POU2F1: variants seen among roughly 807,000 people sequenced by gnomAD.
The protein encoded by POU2F1 is POU class 2 homeobox 1, also known as POU domain, class 2, transcription factor 1.
POU2F1 carries 16 observed loss-of-function variants against 84.9 expected under a neutral mutation model. The ratio of observed to expected loss-of-function variants is 0.19; its 90% CI spans 0.13 to 0.29. The LOEUF (loss-of-function observed/expected upper bound fraction) is 0.29. Among genes scored for constraint, POU2F1 ranks in the 10% least tolerant of loss-of-function variants. POU2F1 has a pLI of 1.00. For missense variants in POU2F1, 738 were observed against 942.6 expected (o/e 0.78, Z 2.84); for synonymous variants, 368 against 368.3 (o/e 1.00, Z 0.01).
At chr1:167,234,163 C>T (rs1292377636) in intron 1 of POU2F1, among the ~76,000 whole-genome samples, 2 of 152,194 alleles carry the variant, frequency 1.3e-5, no homozygotes, top group Non-Finnish European at 2.9e-5. Flanking sequence ...TGCAGAATTT[C>T]CACTGTTAAG....
chr1:167,302,663 A>G (rs1268511804), intron 1 of POU2F1, among the ~76,000 whole-genome samples: 1 of 152,234 alleles, frequency 6.6e-6, no homozygotes, highest in African/African-American at 2.4e-5. Flanking sequence ...GAATGTACAG[A>G]AAAAAGTTAT....
intron 1 of POU2F1, among the ~76,000 whole-genome samples, chr1:167,225,727 G>GT (rs1230144443): frequency 6.6e-6 from 1 of 152,146 alleles, no homozygotes; most frequent in South Asian, 2.1e-4. Flanking sequence ...ATTTATTTGT[G>GT]TTTTTTAAGT....
At chr1:167,317,830 G>A (rs999274513) in intron 1 of POU2F1, among the ~76,000 whole-genome samples, 1 of 152,160 alleles carries the variant, frequency 6.6e-6, no homozygotes, top group Non-Finnish European at 1.5e-5. Flanking sequence ...CCAGATTTGG[G>A]GGCCTCTTCC....
chr1:167,383,984 T>G (rs1647765432), intron 8 of POU2F1, 33 bp downstream of exon 8: 1 of 1,532,372 alleles, frequency 6.5e-7, no homozygotes, highest in African/African-American at 1.4e-5. Context: ...TGCTTTCTCT[T>G]ATCATATTGT....
At chr1:167,308,304 T>G (rs1190290055) in intron 1 of POU2F1, among the ~76,000 whole-genome samples, 1 of 152,100 alleles carries the variant, frequency 6.6e-6, no homozygotes, top group Non-Finnish European at 1.5e-5. Context: ...CAATCGCAGG[T>G]GATCCGCCTG....
At chr1:167,361,319 A>G (rs1012166665) in intron 2 of POU2F1, among the ~76,000 whole-genome samples, 1 of 152,166 alleles carries the variant, frequency 6.6e-6, no homozygotes, top group Non-Finnish European at 1.5e-5. Context: ...TTTATCATAG[A>G]TGGCTCTTAT....
At chr1:167,226,479 G>A (rs746151911) in intron 1 of POU2F1, among the ~76,000 whole-genome samples, 5 of 152,146 alleles carry the variant, frequency 3.3e-5, no homozygotes, top group Non-Finnish European at 1.5e-5. Flanking sequence ...TTCTTCTTAG[G>A]AATAAATTGG....
chr1:167,271,111 C>A (rs917043136), intron 1 of POU2F1, among the ~76,000 whole-genome samples: 3 of 152,124 alleles, frequency 2.0e-5, no homozygotes, highest in African/African-American at 7.2e-5. Flanking sequence ...CATTTTAGAA[C>A]CTTGTGGCTT....
At chr1:167,413,137 A>G (rs10753757) in intron 15 of POU2F1, 23 bp downstream of exon 15, 5 of 1,585,136 alleles carry the variant, frequency 3.2e-6, no homozygotes, top group Non-Finnish European at 4.3e-6. Context: ...CTTTTTCTTA[A>G]TTTGGTGGCA....
intron 10 of POU2F1, among the ~76,000 whole-genome samples, chr1:167,397,113 A>G (rs1330923401): frequency 6.6e-6 from 1 of 152,246 alleles, no homozygotes; most frequent in Non-Finnish European, 1.5e-5. Flanking sequence ...TCCACAGATA[A>G]GAACCACTGG....
At chr1:167,311,384 TC>T (rs890306813) in intron 1 of POU2F1, among the ~76,000 whole-genome samples, 1 of 152,060 alleles carries the variant, frequency 6.6e-6, no homozygotes, top group African/African-American at 2.4e-5. Flanking sequence ...GCAAAAAATA[TC>T]CTTCAGGAAT....
rs117844393 is a variant in POU2F1, at chr1:167,278,768, A to G, written c.62-53702A>G. 3.0e-4 allele frequency among the ~76,000 whole-genome samples: 45 copies of G among 151,558 alleles called. No individual in the cohort carries two copies. In the East Asian group the frequency reaches 8.1e-3, roughly 27 times the overall value. On this transcript the variant is annotated intron_variant, in intron 1 of 15. Transcript: ENST00000367866. ...CTTACAATACGCCAGACATTTTGCA[A>G]ACTTTAATTGGCTATCCCCTTCATT...
At chr1:167,300,134 C>G (rs940180905) in intron 1 of POU2F1, among the ~76,000 whole-genome samples, 3 of 152,164 alleles carry the variant, frequency 2.0e-5, no homozygotes, top group Non-Finnish European at 4.4e-5. Flanking sequence ...CAGCTGGAGG[C>G]TATTACCCTA....
At chr1:167,383,208 T>G (rs946154929) in intron 7 of POU2F1, among the ~76,000 whole-genome samples, 1 of 152,208 alleles carries the variant, frequency 6.6e-6, no homozygotes, top group African/African-American at 2.4e-5. Context: ...AATACAGACA[T>G]TCTGGGTTGG....
rs1650460269 is a variant in POU2F1, at chr1:167,418,725, T to C, written c.*2915T>C. 1 of 152,150 alleles carries C rather than the reference T, an allele frequency of 6.6e-6. No individual in the cohort carries two copies. The highest frequency in any genetic ancestry group is 1.5e-5 in the Non-Finnish European group (1 of 68,028). 9.4% of individuals were successfully genotyped at this position (152,150 alleles called of 1,614,324 possible). On this transcript the variant is annotated 3_prime_UTR_variant, in exon 16 of 16. Coordinates refer to ENST00000367866, the MANE Select transcript of POU2F1 (RefSeq NM_002697.4). ...CCAAACAAAACTCACCAACAGACTT[T>C]AATATTAGAAAAGATACTAAGCTTT... is the stretch of plus-strand genomic sequence containing the variant.
intron 3 of POU2F1, among the ~76,000 whole-genome samples, chr1:167,368,572 T>A (rs1659828407): frequency 6.6e-6 from 1 of 152,186 alleles, no homozygotes; most frequent in South Asian, 2.1e-4. Flanking sequence ...ATTTTTATCT[T>A]CTTCAAATCT....
chr1:167,335,924 T>A (rs539103957), intron 2 of POU2F1, among the ~76,000 whole-genome samples: 1 of 152,222 alleles, frequency 6.6e-6, no homozygotes, highest in Non-Finnish European at 1.5e-5. Context: ...GCTCCACTTA[T>A]ATGCAAATAT....
intron 5 of POU2F1, among the ~76,000 whole-genome samples, chr1:167,372,971 T>G (rs1388366423): frequency 6.6e-6 from 1 of 152,040 alleles, no homozygotes; most frequent in African/African-American, 2.4e-5. Context: ...GTTAAGTGTG[T>G]TTTGTCAGTG....
chr1:167,421,841 G>A lies in POU2F1; in HGVS notation c.*6031G>A, dbSNP rs1432607833. On this transcript the variant is annotated 3_prime_UTR_variant, in exon 16 of 16. Transcript: ENST00000367866. ...AGTTGAACTAATGTTTATTATGATC[G>A]ATAAACAAGATTGATGCTGTATGTA... The A allele has an allele frequency of 2.9e-5, 4 of 136,634 alleles. No homozygotes were observed. Among genetic ancestry groups the A allele is most frequent in the Non-Finnish European group, 4.6e-5 (3 of 64,854 alleles). 8.5% of individuals were successfully genotyped at this position (136,634 alleles called of 1,614,324 possible). A position where few individuals can be genotyped will look rare whatever the true frequency, so the allele number is the denominator to read the frequency against.
Sources: gnomAD v4.1 joint callset for allele counts (sites outside exome capture counted in the v4.1 genomes callset) on GRCh38, gnomAD v4.1.1 for gene constraint, MANE v1.5 for transcripts, NCBI Gene and HGNC (gene_info 2026-07-23, HGNC 2026-07-21) for gene names.